The following MZT2A variants were observed in gnomAD, a reference collection of about 807,000 sequenced individuals.
MZT2A encodes mitotic spindle organizing protein 2A, also known as mitotic-spindle organizing protein 2A.
MZT2A carries 8 observed loss-of-function variants against 12.4 expected under a neutral mutation model. The ratio of observed to expected loss-of-function variants is 0.64; its 90% CI spans 0.38 to 1.16. The LOEUF (loss-of-function observed/expected upper bound fraction) is 1.16. MZT2A is among the 50% of genes most tolerant of loss of function. The pLI, the probability that MZT2A is intolerant of heterozygous loss-of-function variation, is 0.01. For missense variants in MZT2A, 181 were observed against 223.6 expected (o/e 0.81, Z 1.22); for synonymous variants, 88 against 107.5 (o/e 0.82, Z 1.12).
chr2:131,492,894 G>A, upstream of MZT2A: 1 of 1,509,306 alleles, frequency 6.6e-7, no homozygotes, highest in Non-Finnish European at 8.9e-7. Context: ...CACAACGCAG[G>A]CGCATTCAGC....
intron 2 of MZT2A, chr2:131,490,669 C>T: frequency 1.3e-6 from 2 of 1,549,314 alleles, no homozygotes; most frequent in Non-Finnish European, 8.7e-7. Context: ...TCCATGAAAA[C>T]AAGGAAGAGC....
intron 2 of MZT2A, among the ~76,000 whole-genome samples, chr2:131,477,874 G>A (rs892445822): frequency 2.0e-5 from 3 of 152,132 alleles, no homozygotes; most frequent in African/African-American, 7.2e-5. Context: ...GCTATAATGT[G>A]GGGTTGATTA....
chr2:131,486,733 T>C (rs984304072), intron 2 of MZT2A, among the ~76,000 whole-genome samples: 23 of 152,058 alleles, frequency 1.5e-4, no homozygotes, highest in African/African-American at 5.6e-4. Flanking sequence ...TCGAGGGATC[T>C]TCCTGCCTCA....
chr2:131,479,709 A>G (rs1223441970), downstream of MZT2A, among the ~76,000 whole-genome samples: 5 of 152,132 alleles, frequency 3.3e-5, no homozygotes, highest in Non-Finnish European at 7.3e-5. Flanking sequence ...GTGTGGGGGC[A>G]CACACCTGTA....
intron 2 of MZT2A, chr2:131,491,119 A>T: frequency 1.5e-6 from 1 of 664,046 alleles, no homozygotes. Flanking sequence ...TTGGCCTGGG[A>T]GGTTGTGCTG....
intron 2 of MZT2A, among the ~76,000 whole-genome samples, chr2:131,475,914 G>A (rs1678644463): frequency 1.3e-5 from 2 of 151,566 alleles, no homozygotes; most frequent in South Asian, 4.1e-4. Flanking sequence ...AGACACCCCG[G>A]AAATGCCTCA....
At chr2:131,492,919 T>TC (rs200051719), upstream of MZT2A, 2,069 of 1,510,818 alleles carry the variant, frequency 1.4e-3, 23 homozygotes, top group African/African-American at 0.024. Flanking sequence ...GACCACTCCC[T>TC]CCCCCCGCAC....
chr2:131,482,453 C>T (rs531029628), downstream of MZT2A: 263 of 1,504,620 alleles, frequency 1.7e-4, no homozygotes, highest in East Asian at 2.6e-3. Context: ...GAGCATTCTC[C>T]GTGTCACCTA....
chr2:131,484,769 T>TG (rs1559355519), intron 2 of MZT2A, among the ~76,000 whole-genome samples: 1 of 152,212 alleles, frequency 6.6e-6, no homozygotes, highest in African/African-American at 2.4e-5. Flanking sequence ...CCGAGTGTTC[T>TG]GCAGTGGTCA....
At chr2:131,489,319 C>T (rs1679191628) in intron 2 of MZT2A, 1 of 151,936 alleles carries the variant, frequency 6.6e-6, no homozygotes, top group Non-Finnish European at 1.5e-5. Flanking sequence ...CTCAGCCTCC[C>T]AAGTAGCTGG....
intron 2 of MZT2A, among the ~76,000 whole-genome samples, chr2:131,488,094 G>A (rs1573872350): frequency 6.6e-6 from 1 of 152,062 alleles, no homozygotes; most frequent in South Asian, 2.1e-4. Context: ...CATACCACAC[G>A]CAGTGCAATG....
upstream of MZT2A, chr2:131,492,703 G>A: frequency 3.1e-6 from 4 of 1,273,600 alleles, no homozygotes; most frequent in Non-Finnish European, 4.0e-6. Flanking sequence ...GGCATACATT[G>A]GGCGCTCAGT....
intron 2 of MZT2A, among the ~76,000 whole-genome samples, chr2:131,477,693 T>C (rs1422951870): frequency 1.3e-5 from 2 of 151,126 alleles, no homozygotes; most frequent in Non-Finnish European, 2.9e-5. Context: ...TGGTGAATGA[T>C]GGACGGGGTA....
chr2:131,493,035 C>G, upstream of MZT2A: 1 of 1,485,210 alleles, frequency 6.7e-7, no homozygotes, highest in Non-Finnish European at 9.0e-7. Flanking sequence ...CTTTTCCCGC[C>G]CGGCCGCGGG....
intron 2 of MZT2A, chr2:131,476,331 G>A (rs1678665759): frequency 2.7e-6 from 4 of 1,490,814 alleles, no homozygotes; most frequent in Admixed American, 4.0e-5. Context: ...GTCTAGTGCG[G>A]GACAGGAGGA....
At chr2:131,483,576 T>C (rs1488266209), downstream of MZT2A, among the ~76,000 whole-genome samples, 1 of 143,430 alleles carries the variant, frequency 7.0e-6, no homozygotes, top group African/African-American at 3.0e-5. Flanking sequence ...ACTAGCCGGG[T>C]GTGGTGGTGG....
chr2:131,476,125 C>G, intron 2 of MZT2A: 1 of 1,610,998 alleles, frequency 6.2e-7, no homozygotes, highest in South Asian at 1.1e-5. Context: ...CAGGAGGTTG[C>G]AGTTGGGCGC....
downstream of MZT2A, among the ~76,000 whole-genome samples, chr2:131,482,077 C>T (rs2261371): frequency 6.6e-6 from 1 of 152,180 alleles, no homozygotes; most frequent in Non-Finnish European, 1.5e-5. Flanking sequence ...TTCATATGAC[C>T]CTTGACCCAT....
At chr2:131,492,786 G>GA (rs1679398534), upstream of MZT2A, 1 of 1,356,092 alleles carries the variant, frequency 7.4e-7, no homozygotes, top group Non-Finnish European at 9.7e-7. Flanking sequence ...CTCTTCGGGG[G>GA]GGGTGGGGGG....
Sources: gnomAD v4.1 joint callset for allele counts (sites outside exome capture counted in the v4.1 genomes callset) on GRCh38, gnomAD v4.1.1 for gene constraint, MANE v1.5 for transcripts, NCBI Gene and HGNC (gene_info 2026-07-23, HGNC 2026-07-21) for gene names.